NHS: variants seen among roughly 807,000 people sequenced by gnomAD.
The protein encoded by NHS is NHS actin remodeling regulator, also known as actin remodeling regulator NHS.
A neutral mutation model predicts 72.5 loss-of-function variants in NHS; 5 were observed. The ratio of observed to expected loss-of-function variants is 0.07; its 90% CI spans 0.04 to 0.14. The LOEUF is 0.14. Among genes scored for constraint, NHS ranks in the 10% least tolerant of loss-of-function variants. The pLI, the probability that NHS is intolerant of heterozygous loss-of-function variation, is 1.00. For synonymous variants in NHS, 464 were observed against 547.7 expected, an observed-to-expected ratio of 0.85 and a Z score of 2.13; for missense variants, 1,072 against 1,355.7, an observed-to-expected ratio of 0.79 and a Z score of 3.29.
At chrX:17,716,373 A>G (rs1440529103) in intron 3 of NHS, among the ~76,000 whole-genome samples, 5 of 112,176 alleles carry the variant, frequency 4.5e-5, no homozygotes, top group African/African-American at 1.3e-4. Flanking sequence ...TTTTTTGAAA[A>G]TACTTTCATG....
At chrX:17,554,015 C>T (rs995543975) in intron 1 of NHS, among the ~76,000 whole-genome samples, 1 of 111,957 alleles carries the variant, frequency 8.9e-6, no homozygotes, top group African/African-American at 3.3e-5. Flanking sequence ...TTTGCTCCTT[C>T]ATTTTGGCCA....
At chrX:17,412,948 T>G (rs990478013) in intron 1 of NHS, among the ~76,000 whole-genome samples, 1 of 112,723 alleles carries the variant, frequency 8.9e-6, no homozygotes, top group Admixed American at 9.3e-5. Flanking sequence ...ATGGCTGTGT[T>G]CCAATGAAAG....
chrX:17,468,747 G>A (rs1351675778), intron 1 of NHS, among the ~76,000 whole-genome samples: 1 of 110,520 alleles, frequency 9.0e-6, no homozygotes, highest in Non-Finnish European at 1.9e-5. Context: ...TAGAGACAGG[G>A]TCCCGGTATG....
At position 17,732,090 on chromosome X, in the gene NHS, T is replaced by G; in HGVS notation, c.4582T>G (p.Ser1528Ala). 1 of 1,211,408 alleles carries G rather than the reference T, an allele frequency of 8.3e-7. No homozygotes were observed. Among genetic ancestry groups the G allele is most frequent in the East Asian group, 3.0e-5 (1 of 33,816 alleles). Reference sequence around the variant, plus strand: ...GTTACTGCTCAAGAAAGGCAGTCGCTCAGATTCTAGTTACCGCATGTCTGC... The same window carrying G: ...GTTACTGCTCAAGAAAGGCAGTCGCGCAGATTCTAGTTACCGCATGTCTGC... ...KLLLLKKGSR[S>A]DSSYRMSATE... Residue 1528 changes from serine (S) to alanine (A), a missense_variant, in exon 9 of 9, where the codon TCA (serine) becomes GCA (alanine). Coordinates refer to ENST00000676302, the MANE Select transcript of NHS (RefSeq NM_001291867.2).
intron 1 of NHS, among the ~76,000 whole-genome samples, chrX:17,548,055 A>G (rs759982960): frequency 1.8e-5 from 2 of 111,771 alleles, no homozygotes; most frequent in Admixed American, 9.5e-5. Flanking sequence ...TTTCTCATGG[A>G]CCAAAGCAAG....
intron 3 of NHS, 158 bp from the exon 4 acceptor site, chrX:17,719,186 A>C: frequency 4.7e-6 from 2 of 430,090 alleles, no homozygotes; most frequent in Non-Finnish European, 8.1e-6. Flanking sequence ...GGAAGGAGGA[A>C]GGGAAAGAAG....
intron 1 of NHS, among the ~76,000 whole-genome samples, chrX:17,386,612 G>A (rs993965912): frequency 4.1e-5 from 4 of 98,262 alleles, no homozygotes; most frequent in African/African-American, 1.6e-4. Context: ...GCAGTGAGCC[G>A]AGATTGCACC....
intron 1 of NHS, among the ~76,000 whole-genome samples, chrX:17,416,858 C>T (rs1032290457): frequency 8.5e-5 from 9 of 105,442 alleles, no homozygotes; most frequent in Non-Finnish European, 1.4e-4. Context: ...CTAGGGAGTG[C>T]GTGTTTTGAG....
At chrX:17,476,068 G>A (rs1825712069) in intron 1 of NHS, among the ~76,000 whole-genome samples, 1 of 112,136 alleles carries the variant, frequency 8.9e-6, no homozygotes, top group Non-Finnish European at 1.9e-5. Flanking sequence ...GACCAAGAAA[G>A]GGTGTAAAAG....
intron 1 of NHS, among the ~76,000 whole-genome samples, chrX:17,412,351 T>C (rs2064563997): frequency 9.0e-6 from 1 of 110,618 alleles, no homozygotes; most frequent in South Asian, 3.8e-4. Context: ...TCCCAGCACT[T>C]TGGGAGGTCG....
chrX:17,545,475 G>A (rs980949088), intron 1 of NHS, among the ~76,000 whole-genome samples: 1 of 111,682 alleles, frequency 9.0e-6, no homozygotes, highest in Non-Finnish European at 1.9e-5. Flanking sequence ...CTGTGGGCCA[G>A]GTTTGGAAGT....
chrX:17,720,343 T>A (rs920704120), intron 4 of NHS, among the ~76,000 whole-genome samples: 10 of 112,254 alleles, frequency 8.9e-5, no homozygotes, highest in Middle Eastern at 9.2e-3. Context: ...GCATGATATT[T>A]CCAAATGTAA....
At chrX:17,397,407 C>T (rs1270737350) in intron 1 of NHS, among the ~76,000 whole-genome samples, 1 of 111,645 alleles carries the variant, frequency 9.0e-6, no homozygotes, top group Non-Finnish European at 1.9e-5. Flanking sequence ...TCTTTGGGCA[C>T]CATGAGCTAA....
chrX:17,599,670 CA>C (rs1313828748), intron 1 of NHS, among the ~76,000 whole-genome samples: 1 of 110,450 alleles, frequency 9.1e-6, no homozygotes, highest in Non-Finnish European at 1.9e-5. Flanking sequence ...CAAACACATC[CA>C]AAAAATGAAT....
chrX:17,707,038 T>A (rs187749003), intron 3 of NHS, among the ~76,000 whole-genome samples: 5 of 111,730 alleles, frequency 4.5e-5, no homozygotes, highest in African/African-American at 1.6e-4. Flanking sequence ...TGCAGTAGAG[T>A]CCATGAGGAC....
chrX:17,483,841 C>A (rs773227057), intron 1 of NHS, among the ~76,000 whole-genome samples: 6 of 110,175 alleles, frequency 5.4e-5, no homozygotes. Flanking sequence ...TTTAAAGGAA[C>A]GTAGTAAAGG....
intron 1 of NHS, among the ~76,000 whole-genome samples, chrX:17,567,464 C>T (rs932238248): frequency 4.5e-5 from 5 of 111,821 alleles, no homozygotes; most frequent in South Asian, 3.7e-4. Context: ...CAGACTGCAC[C>T]GGGGTTATGC....
intron 8 of NHS, among the ~76,000 whole-genome samples, chrX:17,729,503 C>G (rs185966469): frequency 1.9e-3 from 210 of 112,022 alleles, no homozygotes; most frequent in African/African-American, 6.1e-3. Context: ...ACTTAAATTT[C>G]TTTAATAGTA....
chrX:17,556,011 CA>C (rs2065370134), intron 1 of NHS, among the ~76,000 whole-genome samples: 1 of 112,480 alleles, frequency 8.9e-6, no homozygotes, highest in Admixed American at 9.4e-5. Context: ...GTGTTGCTGG[CA>C]AGAGAGAAGA....
Sources: allele counts gnomAD v4.1 joint callset (sites outside exome capture counted in the v4.1 genomes callset), GRCh38; gene constraint gnomAD v4.1.1; transcripts MANE v1.5; gene names NCBI Gene and HGNC (gene_info 2026-07-23, HGNC 2026-07-21).